CTNNA3: variants seen among roughly 807,000 people sequenced by gnomAD.
CTNNA3 encodes the protein catenin alpha-3.
A neutral mutation model predicts 95.7 loss-of-function variants in CTNNA3; 76 were observed. The ratio of observed to expected loss-of-function variants is 0.79; its 90% CI spans 0.66 to 0.96. The LOEUF (loss-of-function observed/expected upper bound fraction) is 0.96, where lower values mean the gene tolerates loss of function less well. Ranked by LOEUF, CTNNA3 falls within the 40% of genes least tolerant of loss-of-function variation. CTNNA3 has a pLI of 0.00. For synonymous variants in CTNNA3, 431 were observed against 374.4 expected, an observed-to-expected ratio of 1.15 and a Z score of -1.74; for missense variants, 1,191 against 1,089.8, an observed-to-expected ratio of 1.09 and a Z score of -1.31.
chr10:66,227,971 A>C (rs1434944035), intron 13 of CTNNA3, among the ~76,000 whole-genome samples: 1 of 152,124 alleles, frequency 6.6e-6, no homozygotes, highest in Non-Finnish European at 1.5e-5. Flanking sequence ...AGTTGTTCAC[A>C]ATATTCTCTT....
At chr10:66,158,983 G>A (rs1249454076) in intron 13 of CTNNA3, among the ~76,000 whole-genome samples, 2 of 151,990 alleles carry the variant, frequency 1.3e-5, no homozygotes, top group Non-Finnish European at 2.9e-5. Context: ...GTATAGAAGA[G>A]CTACTGATTT....
At position 66,731,977 on chromosome 10, in the gene CTNNA3, C is replaced by G. The variant is rs1258629652; in HGVS notation, c.1281+34287G>C. Reference sequence around the variant, plus strand: ...TCCCTTCAAAGTGATTTGAAAAGTTCAGAAAATTAGCTCTTATGCTCAAAC... The same window carrying G: ...TCCCTTCAAAGTGATTTGAAAAGTTGAGAAAATTAGCTCTTATGCTCAAAC... On this transcript the variant is annotated intron_variant, in intron 9 of 17. Coordinates refer to ENST00000433211, the MANE Select transcript of CTNNA3 (RefSeq NM_013266.4). Among the ~76,000 whole-genome samples, 4 of 152,130 alleles carry G rather than the reference C, an allele frequency of 2.6e-5. No individual in the cohort carries two copies. In the East Asian group the frequency reaches 7.7e-4, roughly 29 times the overall value.
intron 7 of CTNNA3, among the ~76,000 whole-genome samples, chr10:66,870,668 T>C (rs959950647): frequency 6.6e-6 from 1 of 152,184 alleles, no homozygotes; most frequent in African/African-American, 2.4e-5. Context: ...TCACCATCTC[T>C]CCTCTGTTCA....
At chr10:66,972,362 C>T (rs1849768193) in intron 7 of CTNNA3, among the ~76,000 whole-genome samples, 1 of 152,088 alleles carries the variant, frequency 6.6e-6, no homozygotes, top group African/African-American at 2.4e-5. Flanking sequence ...GTCTATGTTG[C>T]CCAGGCTTGC....
rs545880244 is a variant in CTNNA3 at position 66,147,769 on chromosome 10, A to AGTATAGTATGTATAGTATGTAT, written c.1885-44542_1885-44521dup. Among the ~76,000 whole-genome samples the AGTATAGTATGTATAGTATGTAT allele has an allele frequency of 4.7e-3, 481 of 102,250 alleles. 3 individuals are homozygous for AGTATAGTATGTATAGTATGTAT. The highest frequency in any genetic ancestry group is 0.018 in the African/African-American group (465 of 26,332). 67.1% of individuals were successfully genotyped at this position (102,250 alleles called of 152,430 possible). A position where few individuals can be genotyped will look rare whatever the true frequency, so the allele number is the denominator to read the frequency against. On this transcript the variant is annotated intron_variant, in intron 13 of 17. Coordinates refer to ENST00000433211, the MANE Select transcript of CTNNA3 (RefSeq NM_013266.4). ...TTATATTAGTATGCATATTATGTTT[A>AGTATAGTATGTATAGTATGTAT]GTATAGTATGTATAGTATGTATGTA...
chr10:66,197,950 G>C (rs1383671405), intron 13 of CTNNA3, among the ~76,000 whole-genome samples: 1 of 152,140 alleles, frequency 6.6e-6, no homozygotes, highest in Non-Finnish European at 1.5e-5. Context: ...TAACTCTAAG[G>C]AGGCAAAGGT....
chr10:66,966,130 G>T (rs1849398101), intron 7 of CTNNA3, among the ~76,000 whole-genome samples: 1 of 151,760 alleles, frequency 6.6e-6, no homozygotes, highest in Non-Finnish European at 1.5e-5. Flanking sequence ...ATTTTATAGT[G>T]CCATTTTGAA....
At chr10:66,405,703 C>G (rs1035325230) in intron 11 of CTNNA3, among the ~76,000 whole-genome samples, 1 of 152,130 alleles carries the variant, frequency 6.6e-6, no homozygotes, top group Non-Finnish European at 1.5e-5. Context: ...ATATTTGAGC[C>G]ATACATCATA....
intron 7 of CTNNA3, among the ~76,000 whole-genome samples, chr10:66,930,732 T>C (rs139895797): frequency 1.3e-5 from 2 of 152,298 alleles, no homozygotes; most frequent in African/African-American, 4.8e-5. Flanking sequence ...TAAAATATGA[T>C]ATAACACTAA....
intron 5 of CTNNA3, among the ~76,000 whole-genome samples, chr10:67,326,421 G>A (rs1207921316): frequency 2.0e-5 from 3 of 151,810 alleles, no homozygotes; most frequent in Non-Finnish European, 4.4e-5. Flanking sequence ...AGTAGTTGAT[G>A]GTAACAATTT....
intron 15 of CTNNA3, among the ~76,000 whole-genome samples, chr10:66,028,444 A>T (rs2133448782): frequency 1.3e-5 from 2 of 152,294 alleles, no homozygotes; most frequent in East Asian, 3.9e-4. Flanking sequence ...TGTCCTTTGT[A>T]AGGACATAGA....
intron 7 of CTNNA3, among the ~76,000 whole-genome samples, chr10:67,128,985 A>T (rs1326410207): frequency 6.6e-6 from 1 of 152,158 alleles, no homozygotes; most frequent in East Asian, 1.9e-4. Context: ...ACATTAATTT[A>T]AAAATTCTTC....
At chr10:67,562,322 A>C (rs1841547114) in intron 3 of CTNNA3, among the ~76,000 whole-genome samples, 1 of 152,202 alleles carries the variant, frequency 6.6e-6, no homozygotes, top group Non-Finnish European at 1.5e-5. Flanking sequence ...CTGGGATGCA[A>C]GGCTGGTTCA....
chr10:66,616,180 T>C (rs1031714830), intron 10 of CTNNA3, among the ~76,000 whole-genome samples: 1 of 152,036 alleles, frequency 6.6e-6, no homozygotes, highest in Admixed American at 6.6e-5. Flanking sequence ...AAAAGGCTTC[T>C]AGACCCACTT....
At chr10:65,928,621 A>T (rs563101470) in intron 17 of CTNNA3, among the ~76,000 whole-genome samples, 1 of 152,210 alleles carries the variant, frequency 6.6e-6, no homozygotes, top group Non-Finnish European at 1.5e-5. Flanking sequence ...CAGAAACCAC[A>T]TGCAAAATAC....
intron 15 of CTNNA3, among the ~76,000 whole-genome samples, chr10:65,994,310 G>A (rs2078603638): frequency 6.6e-6 from 1 of 152,236 alleles, no homozygotes; most frequent in African/African-American, 2.4e-5. Context: ...CTTTAAAGGA[G>A]TCACGAAAAC....
At chr10:66,991,698 T>C (rs1589560497) in intron 7 of CTNNA3, among the ~76,000 whole-genome samples, 1 of 152,156 alleles carries the variant, frequency 6.6e-6, no homozygotes, top group African/African-American at 2.4e-5. Flanking sequence ...ATTAGAGGCA[T>C]GCACCAGAAA....
At chr10:66,371,925 C>G (rs555264756) in intron 12 of CTNNA3, among the ~76,000 whole-genome samples, 2 of 152,246 alleles carry the variant, frequency 1.3e-5, no homozygotes, top group African/African-American at 4.8e-5. Flanking sequence ...ATGATTTATT[C>G]CAGTGGTAGA....
intron 12 of CTNNA3, among the ~76,000 whole-genome samples, chr10:66,346,224 TATATATATATATATATATATATAGAG>T (rs1271069482): frequency 1.5e-4 from 12 of 81,022 alleles, no homozygotes; most frequent in South Asian, 1.3e-3. Flanking sequence ...TATATATATA[TATATATATATATATATATATATAGAG>T]AGAGAGAGAG....
Sources: allele counts gnomAD v4.1 joint callset (sites outside exome capture counted in the v4.1 genomes callset), GRCh38; gene constraint gnomAD v4.1.1; transcripts MANE v1.5; gene names NCBI Gene and HGNC (gene_info 2026-07-23, HGNC 2026-07-21).